The following FUT8 variants were observed in gnomAD, a reference collection of about 807,000 sequenced individuals.
FUT8 encodes alpha-(1,6)-fucosyltransferase.
FUT8 carries 29 observed loss-of-function variants against 71.3 expected under a neutral mutation model. That is an observed-to-expected ratio of 0.41 (90% confidence interval 0.30 to 0.55). FUT8 has a LOEUF of 0.55. FUT8 is among the 20% of genes least tolerant of loss of function. The pLI, the probability that FUT8 is intolerant of heterozygous loss-of-function variation, is 0.34. For synonymous variants in FUT8, 254 were observed against 239.3 expected, an observed-to-expected ratio of 1.06 and a Z score of -0.57; for missense variants, 544 against 702.1, an observed-to-expected ratio of 0.77 and a Z score of 2.55.
chr14:65,400,451 T>C, the FUT8 span, among the ~76,000 whole-genome samples: 1 of 152,254 alleles, frequency 6.6e-6, no homozygotes, highest in African/African-American at 2.4e-5. Flanking sequence ...TCCTCTATAT[T>C]TCCCTGTTAA....
chr14:65,509,986 G>A (rs1253309445), intron 2 of FUT8, among the ~76,000 whole-genome samples: 1 of 152,132 alleles, frequency 6.6e-6, no homozygotes, highest in African/African-American at 2.4e-5. Flanking sequence ...TAATAGTGGT[G>A]AAAGTGGGCA....
At chr14:65,665,083 G>T (rs1211848099) in intron 6 of FUT8, among the ~76,000 whole-genome samples, 1 of 152,164 alleles carries the variant, frequency 6.6e-6, no homozygotes, top group Non-Finnish European at 1.5e-5. Flanking sequence ...TCCACATTCA[G>T]TTGTGAAAAT....
chr14:65,677,275 C>A (rs1892809236), intron 7 of FUT8, among the ~76,000 whole-genome samples: 1 of 151,958 alleles, frequency 6.6e-6, no homozygotes, highest in South Asian at 2.1e-4. Flanking sequence ...AATCATAAAC[C>A]TTCTTAGATG....
chr14:65,524,321 T>C (rs1289195805), intron 2 of FUT8, among the ~76,000 whole-genome samples: 2 of 152,204 alleles, frequency 1.3e-5, no homozygotes, highest in East Asian at 1.9e-4. Flanking sequence ...AGGTATTTTA[T>C]TCTCTTTGTA....
chr14:65,627,100 A>G lies in FUT8; in HGVS notation c.483-2392A>G, dbSNP rs1306116306. On this transcript the variant is annotated intron_variant, in intron 5 of 10. Coordinates refer to ENST00000673929, the MANE Select transcript of FUT8 (RefSeq NM_001371533.1). This position sits in a 1 kb window ranked among gnomAD's most constrained non-coding sequence, Gnocchi z 4.0. ...TTGTCTGTGACATGCACTGTTCCAC[A>G]TGCTGATTTTAAATAACAAAAAACA... Among the ~76,000 whole-genome samples, 2 of 152,238 alleles carry G rather than the reference A, an allele frequency of 1.3e-5. No homozygotes were observed. Among genetic ancestry groups the G allele is most frequent in the South Asian group, 2.1e-4 (1 of 4,834 alleles).
intron 9 of FUT8, among the ~76,000 whole-genome samples, chr14:65,727,456 G>A (rs542821994): frequency 6.6e-6 from 1 of 152,294 alleles, no homozygotes; most frequent in East Asian, 1.9e-4. Context: ...AAGGCTTGGG[G>A]CTTCCACCCT....
intron 7 of FUT8, among the ~76,000 whole-genome samples, chr14:65,698,730 A>G (rs566403522): frequency 1.1e-4 from 16 of 152,180 alleles, no homozygotes; most frequent in South Asian, 4.1e-4. Context: ...ATCATTTCCT[A>G]TAGCAAACTG....
At chr14:65,575,983 AC>A (rs2140095810) in intron 3 of FUT8, among the ~76,000 whole-genome samples, 1 of 152,338 alleles carries the variant, frequency 6.6e-6, no homozygotes, top group African/African-American at 2.4e-5. Context: ...GAATTAGTCA[AC>A]AGTTGGCCGC....
chr14:65,387,921 G>T, the FUT8 span, among the ~76,000 whole-genome samples: 1 of 152,082 alleles, frequency 6.6e-6, no homozygotes, highest in African/African-American at 2.4e-5. Flanking sequence ...GGGATGAGGA[G>T]GTATGTTTAA....
chr14:65,569,570 A>G (rs1289046810), intron 3 of FUT8, among the ~76,000 whole-genome samples: 1 of 151,640 alleles, frequency 6.6e-6, no homozygotes, highest in Non-Finnish European at 1.5e-5. Flanking sequence ...ATAATTTCAA[A>G]TTTCTTTGGA....
At chr14:65,588,556 T>G (rs2140133095) in intron 3 of FUT8, among the ~76,000 whole-genome samples, 1 of 152,334 alleles carries the variant, frequency 6.6e-6, no homozygotes, top group African/African-American at 2.4e-5. Context: ...GTTTGTGTGC[T>G]TAAGTACTTG....
chr14:65,547,941 C>G (rs1885066793), intron 2 of FUT8, among the ~76,000 whole-genome samples: 2 of 151,910 alleles, frequency 1.3e-5, no homozygotes. Flanking sequence ...TTCCAAGATT[C>G]AATTCAGGAT....
At chr14:65,657,057 A>G (rs546691454) in intron 6 of FUT8, among the ~76,000 whole-genome samples, 2 of 152,318 alleles carry the variant, frequency 1.3e-5, no homozygotes, top group South Asian at 4.1e-4. Flanking sequence ...AAAAGGAAAC[A>G]TTGGGGAAAC....
chr14:65,469,441 C>A (rs1267894871), intron 2 of FUT8, among the ~76,000 whole-genome samples: 1 of 152,126 alleles, frequency 6.6e-6, no homozygotes, highest in African/African-American at 2.4e-5. Context: ...GCTGTGGTAT[C>A]GGAGGCAAAT....
chr14:65,580,623 G>A (rs1887040901), intron 3 of FUT8, among the ~76,000 whole-genome samples: 1 of 151,938 alleles, frequency 6.6e-6, no homozygotes, highest in African/African-American at 2.4e-5. Flanking sequence ...GGTATTGGTA[G>A]CTTCCAATAA....
At chr14:65,371,820 A>G in the FUT8 span, among the ~76,000 whole-genome samples, 1 of 152,186 alleles carries the variant, frequency 6.6e-6, no homozygotes, top group Non-Finnish European at 1.5e-5. Flanking sequence ...TTAAGTTTAG[A>G]AGCCGAGATC....
intron 6 of FUT8, among the ~76,000 whole-genome samples, chr14:65,667,188 G>GA (rs1386511985): frequency 3.9e-5 from 6 of 151,902 alleles, no homozygotes; most frequent in African/African-American, 1.5e-4. Flanking sequence ...GCAGGCAAGA[G>GA]AAAAAAATTA....
intron 7 of FUT8, among the ~76,000 whole-genome samples, chr14:65,712,127 A>T (rs1265436847): frequency 6.6e-6 from 1 of 152,194 alleles, no homozygotes; most frequent in Non-Finnish European, 1.5e-5. Context: ...ATTTTTTGTT[A>T]TCAAAAATTT....
chr14:65,478,817 T>A (rs1291587784), intron 2 of FUT8, among the ~76,000 whole-genome samples: 1 of 152,236 alleles, frequency 6.6e-6, no homozygotes, highest in East Asian at 1.9e-4. Context: ...CTGCTGTGAA[T>A]GAAGCTCTTC....
Sources: gnomAD v4.1 joint callset for allele counts (sites outside exome capture counted in the v4.1 genomes callset) on GRCh38, gnomAD v4.1.1 for gene constraint, Gnocchi (gnomAD v3.1) non-coding constraint, MANE v1.5 for transcripts, NCBI Gene and HGNC (gene_info 2026-07-23, HGNC 2026-07-21) for gene names.